The following RNLS variants were observed in gnomAD, a reference collection of about 807,000 sequenced individuals.
RNLS encodes renalase.
Under a neutral mutation model 39.8 loss-of-function variants are expected in RNLS, and 39 were observed. That is an observed-to-expected ratio of 0.98 (90% confidence interval 0.76 to 1.28). The LOEUF (loss-of-function observed/expected upper bound fraction) is 1.28. Among genes scored for constraint, RNLS ranks in the 50% most tolerant of loss-of-function variants. The pLI, the probability that RNLS is intolerant of heterozygous loss-of-function variation, is 0.00. For missense variants in RNLS, 410 were observed against 413.3 expected, an observed-to-expected ratio of 0.99 and a Z score of 0.07; for synonymous variants, 147 against 150.7, an observed-to-expected ratio of 0.98 and a Z score of 0.18.
At chr10:88,232,247 T>C in the RNLS span, among the ~76,000 whole-genome samples, 9 of 152,086 alleles carry the variant, frequency 5.9e-5, no homozygotes, top group Non-Finnish European at 1.2e-4. Flanking sequence ...CTGTGTCACA[T>C]GGGCCACGAC....
At chr10:88,410,743 C>T (rs1354055851) in intron 4 of RNLS, among the ~76,000 whole-genome samples, 2 of 151,948 alleles carry the variant, frequency 1.3e-5, no homozygotes, top group African/African-American at 4.8e-5. Flanking sequence ...TTTCTTCATC[C>T]ATAAAACTAG....
rs117985008 is a variant in RNLS at position 88,505,987 on chromosome 10, G to A, written c.526+66916C>T. 8.6e-3 allele frequency among the ~76,000 whole-genome samples: 1,304 copies of A among 152,192 alleles called. 22 individuals carry two copies. Among genetic ancestry groups the A allele is most frequent in the East Asian group, 0.033 (173 of 5,184 alleles). ...GAACTTGTTAGAAATTCAAATGACT[G>A]GGCTCCAACACAGACCCCAGGAACT... On this transcript the variant is annotated intron_variant, in intron 4 of 6. Coordinates refer to ENST00000331772, the MANE Select transcript of RNLS (RefSeq NM_001031709.3).
intron 4 of RNLS, among the ~76,000 whole-genome samples, chr10:88,466,979 T>C (rs1209800362): frequency 6.6e-6 from 1 of 152,174 alleles, no homozygotes; most frequent in Non-Finnish European, 1.5e-5. Flanking sequence ...AGCACAATTT[T>C]ACAGCTGAGT....
chr10:88,457,963 C>T (rs1043689692), intron 4 of RNLS, among the ~76,000 whole-genome samples: 1 of 152,190 alleles, frequency 6.6e-6, no homozygotes, highest in African/African-American at 2.4e-5. Context: ...ACCTTTCTTC[C>T]TGGAGAGTTT....
the RNLS span, among the ~76,000 whole-genome samples, chr10:88,180,250 C>A: frequency 6.6e-6 from 1 of 152,206 alleles, no homozygotes; most frequent in East Asian, 1.9e-4. Flanking sequence ...AAACCCAACA[C>A]TGACATATGG....
intron 4 of RNLS, among the ~76,000 whole-genome samples, chr10:88,488,032 T>C (rs1178813848): frequency 6.6e-6 from 1 of 152,104 alleles, no homozygotes; most frequent in Non-Finnish European, 1.5e-5. Context: ...CCTATCTATA[T>C]AGAGAGAAGG....
downstream of RNLS, among the ~76,000 whole-genome samples, chr10:88,281,006 A>G (rs571956242): frequency 6.6e-6 from 1 of 152,300 alleles, no homozygotes; most frequent in Admixed American, 6.5e-5. Context: ...TGAGTGGACA[A>G]TAATTACTGT....
intron 6 of RNLS, among the ~76,000 whole-genome samples, chr10:88,293,208 G>T (rs1180443944): frequency 6.6e-6 from 1 of 152,262 alleles, no homozygotes; most frequent in Admixed American, 6.5e-5. Flanking sequence ...TCTTGCCTTG[G>T]CATTTCCCCT....
chr10:88,332,571 T>G (rs1273863498), intron 5 of RNLS, among the ~76,000 whole-genome samples: 2 of 152,232 alleles, frequency 1.3e-5, no homozygotes, highest in Non-Finnish European at 2.9e-5. Flanking sequence ...TTTGGGAGAC[T>G]TAAGGATTAT....
chr10:88,218,203 GCCT>G, the RNLS span, among the ~76,000 whole-genome samples: 1 of 152,260 alleles, frequency 6.6e-6, no homozygotes, highest in African/African-American at 2.4e-5. Flanking sequence ...TAAAGGCAGT[GCCT>G]CCTCCATGCT....
chr10:88,570,148 T>C (rs762152347), intron 4 of RNLS, among the ~76,000 whole-genome samples: 20 of 152,026 alleles, frequency 1.3e-4, no homozygotes, highest in Non-Finnish European at 2.6e-4. Context: ...CAAGAAAAAA[T>C]ACTACAGCTC....
chr10:88,359,931 T>A (rs1039614496), intron 5 of RNLS, among the ~76,000 whole-genome samples: 1 of 152,234 alleles, frequency 6.6e-6, no homozygotes, highest in East Asian at 1.9e-4. Flanking sequence ...CTGGGTCCTA[T>A]AAATCCAAAT....
intron 5 of RNLS, among the ~76,000 whole-genome samples, chr10:88,337,078 A>T (rs1396652714): frequency 2.0e-5 from 3 of 152,206 alleles, no homozygotes; most frequent in Admixed American, 1.3e-4. Context: ...AGAAAAAAAT[A>T]CATTGCCCTC....
chr10:88,488,265 G>T (rs1844663403), intron 4 of RNLS, among the ~76,000 whole-genome samples: 2 of 152,004 alleles, frequency 1.3e-5, no homozygotes, highest in African/African-American at 4.8e-5. Context: ...AATGATCAGA[G>T]GCTGGGCATG....
intron 6 of RNLS, among the ~76,000 whole-genome samples, chr10:88,278,343 G>A (rs970553830): frequency 6.6e-6 from 1 of 152,098 alleles, no homozygotes; most frequent in Non-Finnish European, 1.5e-5. Context: ...TTATTGTAAT[G>A]GTTAAAATAT....
the RNLS span, among the ~76,000 whole-genome samples, chr10:88,241,567 CT>C: frequency 8.5e-5 from 13 of 152,254 alleles, no homozygotes; most frequent in East Asian, 2.5e-3. Flanking sequence ...CATCTACTTA[CT>C]TTTTTTGAAA....
At chr10:88,244,839 C>G in the RNLS span, among the ~76,000 whole-genome samples, 1 of 152,086 alleles carries the variant, frequency 6.6e-6, no homozygotes, top group African/African-American at 2.4e-5. Context: ...AGCAAGACCA[C>G]TTACTTTGAG....
At chr10:88,246,088 C>T in the RNLS span, among the ~76,000 whole-genome samples, 1 of 152,188 alleles carries the variant, frequency 6.6e-6, no homozygotes, top group Non-Finnish European at 1.5e-5. Context: ...TGTGCAGTGG[C>T]AGGCAGATCA....
At chr10:88,192,670 A>C in the RNLS span, among the ~76,000 whole-genome samples, 1 of 152,240 alleles carries the variant, frequency 6.6e-6, no homozygotes, top group African/African-American at 2.4e-5. Context: ...ACATGGCTCC[A>C]AGAACATGAA....
Sources: allele counts gnomAD v4.1 joint callset (sites outside exome capture counted in the v4.1 genomes callset), GRCh38; gene constraint gnomAD v4.1.1; transcripts MANE v1.5; gene names NCBI Gene and HGNC (gene_info 2026-07-23, HGNC 2026-07-21).